The following CTNNA2 variants were observed in gnomAD, a reference collection of about 807,000 sequenced individuals.
The protein encoded by CTNNA2 is catenin alpha 2, also known as catenin alpha-2.
CTNNA2 carries 42 observed loss-of-function variants against 101.0 expected under a neutral mutation model. The observed-to-expected ratio is 0.42, with a 90% CI of 0.32 to 0.54. CTNNA2 has a LOEUF of 0.54. Among genes scored for constraint, CTNNA2 ranks in the 20% least tolerant of loss-of-function variants. The pLI is 0.14. For synonymous variants in CTNNA2, 450 were observed against 456.4 expected (o/e 0.99, Z 0.18); for missense variants, 871 against 1,223.1 (o/e 0.71, Z 4.29).
At chr2:80,462,190 A>G (rs967709029) in intron 9 of CTNNA2, among the ~76,000 whole-genome samples, 3 of 152,238 alleles carry the variant, frequency 2.0e-5, no homozygotes, top group Non-Finnish European at 4.4e-5. Context: ...GGGACTCTGC[A>G]CAGGTTAATT....
At chr2:79,702,153 G>A (rs926809564) in intron 2 of CTNNA2, among the ~76,000 whole-genome samples, 3 of 151,898 alleles carry the variant, frequency 2.0e-5, no homozygotes, top group Admixed American at 1.3e-4. Flanking sequence ...TGAGTGAGTC[G>A]GGGGTTGCAG....
intron 6 of CTNNA2, among the ~76,000 whole-genome samples, chr2:79,896,296 A>G (rs1684711291): frequency 6.6e-6 from 1 of 151,756 alleles, no homozygotes; most frequent in Non-Finnish European, 1.5e-5. Flanking sequence ...AAAAAAAAAA[A>G]GGAGAACTAA....
chr2:80,078,481 C>T (rs543376557), intron 7 of CTNNA2, among the ~76,000 whole-genome samples: 2 of 152,242 alleles, frequency 1.3e-5, no homozygotes, highest in African/African-American at 4.8e-5. Flanking sequence ...GGACATGGGT[C>T]ATGTGATTAA....
intron 4 of CTNNA2, among the ~76,000 whole-genome samples, chr2:79,488,693 G>A (rs532379176): frequency 1.3e-5 from 2 of 152,166 alleles, no homozygotes; most frequent in Admixed American, 1.3e-4. Context: ...TTTCCACTGG[G>A]CTCTTCTCAA....
At chr2:79,576,469 ATAT>A (rs900228980) in intron 1 of CTNNA2, among the ~76,000 whole-genome samples, 5 of 152,148 alleles carry the variant, frequency 3.3e-5, no homozygotes, top group Non-Finnish European at 5.9e-5. Context: ...GTTGCTTAAA[ATAT>A]TATTCAAAAA....
intron 4 of CTNNA2, among the ~76,000 whole-genome samples, chr2:79,446,241 A>T (rs908877627): frequency 6.6e-6 from 1 of 152,084 alleles, no homozygotes; most frequent in African/African-American, 2.4e-5. Flanking sequence ...GAAAAAAAAA[A>T]GAACTATTTT....
chr2:79,993,627 G>A (rs982979066), intron 7 of CTNNA2, among the ~76,000 whole-genome samples: 7 of 152,166 alleles, frequency 4.6e-5, no homozygotes, highest in African/African-American at 1.7e-4. Context: ...GCTTGAGCAA[G>A]AGTCTACAGA....
chr2:79,300,109 A>C (rs1441780440), intron 2 of CTNNA2, among the ~76,000 whole-genome samples: 2 of 152,190 alleles, frequency 1.3e-5, no homozygotes, highest in Non-Finnish European at 1.5e-5. Flanking sequence ...CCAATATCAT[A>C]CAGATTCATA....
chr2:80,529,171 T>C (rs1318952485), intron 9 of CTNNA2, among the ~76,000 whole-genome samples: 1 of 152,166 alleles, frequency 6.6e-6, no homozygotes, highest in Non-Finnish European at 1.5e-5. Flanking sequence ...GTCAGCCAAC[T>C]TTTATTGGTA....
intron 7 of CTNNA2, among the ~76,000 whole-genome samples, chr2:80,072,354 C>T (rs1311838958): frequency 6.6e-6 from 1 of 152,032 alleles, no homozygotes; most frequent in Non-Finnish European, 1.5e-5. Context: ...AGTTCCAAGC[C>T]CTGCTCTGGT....
intron 1 of CTNNA2, among the ~76,000 whole-genome samples, chr2:79,568,613 CGAAAA>C (rs1335489290): frequency 1.3e-5 from 2 of 149,864 alleles, no homozygotes; most frequent in East Asian, 2.0e-4. Flanking sequence ...AGAAAAGTAA[CGAAAA>C]GAAAAGGAAA....
chr2:79,797,907 A>AT (rs552642434), intron 3 of CTNNA2, among the ~76,000 whole-genome samples: 9 of 151,512 alleles, frequency 5.9e-5, no homozygotes, highest in African/African-American at 1.2e-4. Flanking sequence ...TTATTTCTTA[A>AT]TTTTTTTTAT....
rs554762101 is a variant in CTNNA2 at position 80,100,825 on chromosome 2, A to G, written c.1056+191028A>G. Among the ~76,000 whole-genome samples, 363 of 152,310 alleles carry G rather than the reference A, an allele frequency of 2.4e-3. 3 individuals are homozygous for G. The highest frequency in any genetic ancestry group is 8.3e-3 in the African/African-American group (347 of 41,564). On this transcript the variant is annotated intron_variant, in intron 7 of 18. Transcript: ENST00000402739. ...GGTGGAAACCTTCAACCTTCTGAGC[A>G]TACATCTTCCACCTCCAGCTTTGGA...
intron 4 of CTNNA2, among the ~76,000 whole-genome samples, chr2:79,441,467 A>T (rs1678776918): frequency 6.6e-6 from 1 of 152,144 alleles, no homozygotes; most frequent in Non-Finnish European, 1.5e-5. Context: ...TGATACCATC[A>T]TATACCCAGG....
At chr2:79,562,091 A>C (rs915350350) in intron 1 of CTNNA2, among the ~76,000 whole-genome samples, 1 of 151,882 alleles carries the variant, frequency 6.6e-6, no homozygotes, top group African/African-American at 2.4e-5. Context: ...TCTAGTTTTT[A>C]CTTCTATATT....
At chr2:80,538,337 C>G (rs932752992) in intron 9 of CTNNA2, among the ~76,000 whole-genome samples, 1 of 152,088 alleles carries the variant, frequency 6.6e-6, no homozygotes, top group African/African-American at 2.4e-5. Flanking sequence ...AGGTTTTCTT[C>G]TAGGGTTTTT....
chr2:80,125,522 A>G (rs189519422), intron 7 of CTNNA2, among the ~76,000 whole-genome samples: 191 of 152,282 alleles, frequency 1.3e-3, no homozygotes, highest in Non-Finnish European at 3.7e-4. Context: ...ATCTCATGCA[A>G]GGAAGGCATC....
At chr2:80,637,182 G>A (rs1452031605) in intron 18 of CTNNA2, among the ~76,000 whole-genome samples, 1 of 152,146 alleles carries the variant, frequency 6.6e-6, no homozygotes, top group Non-Finnish European at 1.5e-5. Context: ...GGTGATTTAA[G>A]GAAAGATGGG....
chr2:80,053,972 T>A (rs539552205), intron 7 of CTNNA2, among the ~76,000 whole-genome samples: 1 of 152,242 alleles, frequency 6.6e-6, no homozygotes, highest in Non-Finnish European at 1.5e-5. Context: ...TGTTTACAAG[T>A]ATTCATTTTA....
Sources: allele counts gnomAD v4.1 joint callset (sites outside exome capture counted in the v4.1 genomes callset), GRCh38; gene constraint gnomAD v4.1.1; transcripts MANE v1.5; gene names NCBI Gene and HGNC (gene_info 2026-07-23, HGNC 2026-07-21).